Variants in RYR3 observed in about 807,000 individuals in gnomAD.
The protein encoded by RYR3 is ryanodine receptor 3, also known as brain ryanodine receptor-calcium release channel.
Under a neutral mutation model 584.3 loss-of-function variants are expected in RYR3, and 207 were observed. The ratio of observed to expected loss-of-function variants is 0.35; its 90% CI spans 0.32 to 0.40. The LOEUF is 0.40. Among genes scored for constraint, RYR3 ranks in the 10% least tolerant of loss-of-function variants. RYR3 has a pLI of 1.00. For missense variants in RYR3, 5,616 were observed against 6,089.2 expected (o/e 0.92, Z 2.59); for synonymous variants, 2,416 against 2,248.5 (o/e 1.07, Z -2.11).
At chr15:33,756,173 T>C (rs1191351537) in intron 58 of RYR3, 133 bp from the exon 59 acceptor site, 1 of 706,058 alleles carries the variant, frequency 1.4e-6, no homozygotes, top group African/African-American at 1.8e-5. Flanking sequence ...GTAAAGTACT[T>C]TGTAAGATAT....
chr15:33,408,329 A>C (rs1367738128), intron 1 of RYR3, among the ~76,000 whole-genome samples: 1 of 152,152 alleles, frequency 6.6e-6, no homozygotes, highest in East Asian at 1.9e-4. Context: ...GGTAAAGGAC[A>C]CGGTTTTGTT....
intron 1 of RYR3, among the ~76,000 whole-genome samples, chr15:33,405,163 G>T (rs1371425295): frequency 6.6e-6 from 1 of 152,172 alleles, no homozygotes; most frequent in East Asian, 1.9e-4. Flanking sequence ...TAAAACTTTG[G>T]TTTTCTTGCA....
At chr15:33,649,341 C>T in intron 31 of RYR3, 106 bp downstream of exon 31, 8 of 1,077,532 alleles carry the variant, frequency 7.4e-6, no homozygotes, top group Non-Finnish European at 9.3e-6. Flanking sequence ...CTTGGCCTCT[C>T]TTAAAAGGAG....
At chr15:33,683,224 G>C (rs1348929065) in intron 38 of RYR3, among the ~76,000 whole-genome samples, 10 of 151,924 alleles carry the variant, frequency 6.6e-5, no homozygotes, top group African/African-American at 2.4e-4. Context: ...TCGATCTCCT[G>C]ACCTCATGAT....
chr15:33,599,223 A>C (rs2467563), intron 16 of RYR3, among the ~76,000 whole-genome samples: 14,179 of 152,172 alleles, frequency 0.093, 748 homozygotes, highest in Middle Eastern at 0.15. Flanking sequence ...GAGATTTGTC[A>C]AAGGTCAGGG....
At chr15:33,810,796 C>A in intron 71 of RYR3, 147 bp downstream of exon 71, 1 of 1,119,624 alleles carries the variant, frequency 8.9e-7, no homozygotes, top group Non-Finnish European at 1.3e-6. Context: ...ACGCCCTCAT[C>A]TTTAAAACTG....
rs111504375 is a variant in RYR3 at position 33,331,019 on chromosome 15, C to T, written c.51+19923C>T. Reference sequence around the variant, plus strand: ...TGCTTTCCCCAGGAGCAGTGTGCTCCAGTGACAGAACTTTGTTTGTTTGTT... The same window carrying T: ...TGCTTTCCCCAGGAGCAGTGTGCTCTAGTGACAGAACTTTGTTTGTTTGTT... On this transcript the variant is annotated intron_variant, in intron 1 of 103. Transcript: ENST00000634891. Among the ~76,000 whole-genome samples, 895 of 152,238 alleles carry T rather than the reference C, an allele frequency of 5.9e-3. 7 individuals carry two copies. The highest frequency in any genetic ancestry group is 0.021 in the African/African-American group (852 of 41,538).
intron 3 of RYR3, among the ~76,000 whole-genome samples, chr15:33,528,520 T>G (rs988366952): frequency 1.3e-5 from 2 of 152,212 alleles, no homozygotes; most frequent in African/African-American, 4.8e-5. Flanking sequence ...TCACCTATTT[T>G]AATAGGTGTT....
At chr15:33,806,066 CTCTG>C (rs1459295195) in intron 69 of RYR3, among the ~76,000 whole-genome samples, 2 of 151,988 alleles carry the variant, frequency 1.3e-5, no homozygotes, top group African/African-American at 2.4e-5. Flanking sequence ...TCTGTTTTTT[CTCTG>C]TCTAATGTTG....
chr15:33,351,072 G>A (rs1327378861), intron 1 of RYR3, among the ~76,000 whole-genome samples: 1 of 152,096 alleles, frequency 6.6e-6, no homozygotes, highest in Non-Finnish European at 1.5e-5. Context: ...AAATGATAAA[G>A]GGGATCTCAC....
In RYR3 at chr15:33,844,927, C is replaced by T. The variant is rs748783723; in HGVS notation, c.13362C>T (p.Asp4454=). The T allele has an allele frequency of 8.7e-6, 14 of 1,613,768 alleles. No homozygotes were observed. The highest frequency in any genetic ancestry group is 6.7e-5 in the East Asian group (3 of 44,878). ...CAAACCTATGGAATTCCTTTAATGA[C>T]GAGGAAGAGGAAGAAGCGATGGTAT... ...DVANLWNSFN[D]EEEEEAMVFF... is the part of the protein sequence containing the mutation. The change falls in exon 93 of 104, where the codon GAC becomes GAT. Residue 4454 remains aspartate, a synonymous_variant. Coordinates refer to ENST00000634891, the MANE Select transcript of RYR3 (RefSeq NM_001036.6).
Position 33,696,406 on chromosome 15 carries a change from C to A in RYR3, c.6049C>A (p.Leu2017Met). Residue 2017 changes from leucine to methionine, a missense_variant, in exon 39 of 104, where the codon CTG (leucine) becomes ATG (methionine). Leu to Met is a conservative substitution (Grantham distance 15). Around this residue, in one of 9 missense-constraint regions of RYR3, gnomAD observed 1,280 missense variants for 1,426.2 expected, o/e 0.90. Transcript: ENST00000634891. The stretch of plus-strand genomic sequence containing the variant: ...CACCTCTGTAAGCGACACCATCAAC[C>A]TGCTGGCTGCCCTGGGCCAAATCCG... ...SHTSVSDTIN[L>M]LAALGQIRSL... 6.2e-7 allele frequency: 1 copy of A among 1,613,938 alleles called. No individual in the cohort carries two copies. Among genetic ancestry groups the A allele is most frequent in the Non-Finnish European group, 8.5e-7 (1 of 1,179,874 alleles).
chr15:33,675,687 A>T (rs988201162), intron 38 of RYR3, among the ~76,000 whole-genome samples: 2 of 152,206 alleles, frequency 1.3e-5, no homozygotes, highest in Non-Finnish European at 2.9e-5. Flanking sequence ...TAAGCATTAC[A>T]TTAGTTAATA....
intron 1 of RYR3, among the ~76,000 whole-genome samples, chr15:33,394,261 A>G (rs1266914586): frequency 6.6e-6 from 1 of 152,222 alleles, no homozygotes; most frequent in Non-Finnish European, 1.5e-5. Context: ...ATGAGCTGAG[A>G]CAGTAGGGAA....
chr15:33,446,367 GT>G (rs1260049323), intron 1 of RYR3, among the ~76,000 whole-genome samples: 3 of 152,218 alleles, frequency 2.0e-5, no homozygotes. Context: ...TAAGCTTAAT[GT>G]GTTTGTATTT....
intron 91 of RYR3, 54 bp downstream of exon 91, chr15:33,842,089 T>G (rs1278459925): frequency 1.3e-6 from 2 of 1,547,448 alleles, no homozygotes; most frequent in Non-Finnish European, 1.8e-6. Flanking sequence ...CCCAGGCAGA[T>G]GGCAGAGAGG....
intron 1 of RYR3, among the ~76,000 whole-genome samples, chr15:33,454,185 C>T (rs2047355130): frequency 2.0e-5 from 3 of 152,140 alleles, no homozygotes; most frequent in Non-Finnish European, 2.9e-5. Flanking sequence ...ATGGAGCATC[C>T]AGTAAAGAGA....
At chr15:33,317,860 A>G (rs1429444096) in intron 1 of RYR3, among the ~76,000 whole-genome samples, 3 of 152,156 alleles carry the variant, frequency 2.0e-5, no homozygotes, top group African/African-American at 4.8e-5. Flanking sequence ...CTTTACAAGG[A>G]GGAGGCATGG....
chr15:33,730,182 ATTAT>A (rs2068829538), intron 47 of RYR3, among the ~76,000 whole-genome samples: 2 of 151,716 alleles, frequency 1.3e-5, no homozygotes, highest in Admixed American at 1.3e-4. Context: ...TTTTCTATAA[ATTAT>A]TTGATTTTAA....
Sources: allele counts gnomAD v4.1 joint callset (sites outside exome capture counted in the v4.1 genomes callset), GRCh38; gene constraint gnomAD v4.1.1; regional missense constraint gnomAD v4.1.1; transcripts MANE v1.5; gene names NCBI Gene and HGNC (gene_info 2026-07-23, HGNC 2026-07-21).